Variants in ADAM12 observed in about 807,000 individuals in gnomAD.
ADAM12 encodes the protein disintegrin and metalloproteinase domain-containing protein 12.
Under a neutral mutation model 106.4 loss-of-function variants are expected in ADAM12, and 70 were observed. The observed-to-expected ratio is 0.66, with a 90% CI of 0.54 to 0.80. The LOEUF (loss-of-function observed/expected upper bound fraction) is 0.80, where lower values mean the gene tolerates loss of function less well. Ranked by LOEUF, ADAM12 falls within the 30% of genes least tolerant of loss-of-function variation. The probability of loss-of-function intolerance (pLI) is 0.00; values close to 1 mark genes in which losing one functional copy is unlikely to be tolerated. For missense variants in ADAM12, 1,010 were observed against 1,171.9 expected (o/e 0.86, Z 2.02); for synonymous variants, 420 against 433.5 (o/e 0.97, Z 0.39).
At chr10:126,345,485 C>CT (rs761806123) in intron 1 of ADAM12, among the ~76,000 whole-genome samples, 7 of 151,976 alleles carry the variant, frequency 4.6e-5, no homozygotes, top group Non-Finnish European at 1.0e-4. Flanking sequence ...TAAAATTCTC[C>CT]TTTTTTGTTG....
intron 3 of ADAM12, among the ~76,000 whole-genome samples, chr10:126,174,375 G>A (rs1268284454): frequency 2.6e-5 from 4 of 152,048 alleles, no homozygotes; most frequent in Non-Finnish European, 5.9e-5. Flanking sequence ...GTCACATCCA[G>A]GCAGTTCCTC....
intron 4 of ADAM12, among the ~76,000 whole-genome samples, chr10:126,136,450 G>A (rs923349581): frequency 6.6e-6 from 1 of 152,122 alleles, no homozygotes; most frequent in Non-Finnish European, 1.5e-5. Flanking sequence ...ACGCCAGCTG[G>A]GTGCAGGTCT....
intron 5 of ADAM12, among the ~76,000 whole-genome samples, chr10:126,128,612 G>C (rs1956245483): frequency 6.6e-6 from 1 of 151,604 alleles, no homozygotes; most frequent in African/African-American, 2.4e-5. Context: ...ATGTGTGCAA[G>C]TGGGGGCCTG....
At chr10:126,101,022 C>A in intron 9 of ADAM12, 50 bp downstream of exon 9, 1 of 1,596,908 alleles carries the variant, frequency 6.3e-7, no homozygotes, top group Non-Finnish European at 8.5e-7. Context: ...CGAAGGGCTT[C>A]GCCGAGAGCA....
chr10:126,210,479 G>A (rs1045731718), intron 3 of ADAM12, among the ~76,000 whole-genome samples: 6 of 152,184 alleles, frequency 3.9e-5, no homozygotes, highest in African/African-American at 1.4e-4. Context: ...TCAGATGCTA[G>A]GTGGAAAGAG....
At chr10:126,185,366 G>A (rs866434962) in intron 3 of ADAM12, among the ~76,000 whole-genome samples, 1 of 152,216 alleles carries the variant, frequency 6.6e-6, no homozygotes, top group Non-Finnish European at 1.5e-5. Context: ...TATAGCCTTA[G>A]TGAAATGACT....
At chr10:126,124,926 T>C (rs1373380828) in intron 5 of ADAM12, among the ~76,000 whole-genome samples, 1 of 143,504 alleles carries the variant, frequency 7.0e-6, no homozygotes, top group African/African-American at 2.6e-5. Flanking sequence ...AAGAAAAGTG[T>C]TATTACCAGC....
At position 126,209,814 on chromosome 10, in the gene ADAM12, C is replaced by T. The variant is rs890923786; in HGVS notation, c.261-54509G>A. Among the ~76,000 whole-genome samples, 6 of 152,234 alleles carry T rather than the reference C, an allele frequency of 3.9e-5. No individual in the cohort carries two copies. In the East Asian group the frequency reaches 1.2e-3, roughly 29 times the overall value. On this transcript the variant is annotated intron_variant, in intron 3 of 22. Transcript: ENST00000448723. ...CTTTTCCTTTACCGTAACTCCCAAG[C>T]CTATGAGCACTAAGTTCGACAGCAG...
rs1190348471 is a variant in ADAM12 at position 126,016,141 on chromosome 10, A to G, written c.*1138T>C. ...CCCCATAGAGAAGGTTCTTTGTCCA[A>G]TATCTACGAATAATGATAGCAGACA... On this transcript the variant is annotated 3_prime_UTR_variant, in exon 23 of 23. Transcript: ENST00000448723. The G allele has an allele frequency of 6.6e-6, 1 of 152,218 alleles. No homozygotes were observed. Among genetic ancestry groups the G allele is most frequent in the Non-Finnish European group, 1.5e-5 (1 of 68,036 alleles). 9.4% of individuals were successfully genotyped at this position (152,218 alleles called of 1,614,324 possible).
intron 7 of ADAM12, 124 bp from the exon 8 acceptor site, chr10:126,108,788 G>A (rs1955820432): frequency 1.5e-5 from 12 of 807,648 alleles, no homozygotes; most frequent in Admixed American, 7.3e-5. Context: ...CACAGTTCAC[G>A]GTAAAATGAG....
chr10:126,100,570 C>T (rs1034274226), intron 9 of ADAM12, among the ~76,000 whole-genome samples: 1 of 150,980 alleles, frequency 6.6e-6, no homozygotes, highest in African/African-American at 2.4e-5. Context: ...CAAAAATTAG[C>T]TGGGCGTGGT....
chr10:126,324,969 C>T (rs1854241675), intron 2 of ADAM12, among the ~76,000 whole-genome samples: 2 of 151,940 alleles, frequency 1.3e-5, no homozygotes, highest in African/African-American at 2.4e-5. Context: ...GCTCTCACTG[C>T]TATTTTCACT....
chr10:126,261,197 C>G (rs1565175153), intron 3 of ADAM12, among the ~76,000 whole-genome samples: 1 of 152,072 alleles, frequency 6.6e-6, no homozygotes, highest in Non-Finnish European at 1.5e-5. Context: ...TGGAGCTAAT[C>G]TCCTTCAGAT....
At chr10:126,158,997 G>C (rs1465665625) in intron 3 of ADAM12, among the ~76,000 whole-genome samples, 1 of 152,112 alleles carries the variant, frequency 6.6e-6, no homozygotes, top group African/African-American at 2.4e-5. Flanking sequence ...AGAACCCATA[G>C]TGGCCTCAAT....
intron 6 of ADAM12, among the ~76,000 whole-genome samples, chr10:126,116,158 A>G (rs1338085738): frequency 6.6e-6 from 1 of 152,288 alleles, no homozygotes; most frequent in East Asian, 1.9e-4. Context: ...AGCTAAAAGA[A>G]TTAAAATATG....
At chr10:126,317,640 G>C (rs990011078) in intron 2 of ADAM12, among the ~76,000 whole-genome samples, 1 of 152,056 alleles carries the variant, frequency 6.6e-6, no homozygotes, top group African/African-American at 2.4e-5. Flanking sequence ...CCAGGGAAAA[G>C]AGCCTAATGA....
chr10:126,295,910 A>AACACAC (rs113506950), intron 2 of ADAM12, among the ~76,000 whole-genome samples: 43 of 148,290 alleles, frequency 2.9e-4, no homozygotes, highest in Admixed American at 2.6e-3. Context: ...CACACACACA[A>AACACAC]ACACACACAC....
chr10:126,296,232 T>G (rs1349646858), intron 2 of ADAM12, among the ~76,000 whole-genome samples: 1 of 152,166 alleles, frequency 6.6e-6, no homozygotes, highest in Non-Finnish European at 1.5e-5. Context: ...ACTTTGAATT[T>G]CTGGGCTCAA....
chr10:126,031,639 G>A (rs1045655124), intron 21 of ADAM12, among the ~76,000 whole-genome samples: 4 of 152,198 alleles, frequency 2.6e-5, no homozygotes, highest in African/African-American at 7.2e-5. Context: ...AGCTGCCACC[G>A]TCTTCCCATG....
Sources: allele counts gnomAD v4.1 joint callset (sites outside exome capture counted in the v4.1 genomes callset), GRCh38; gene constraint gnomAD v4.1.1; transcripts MANE v1.5; gene names NCBI Gene and HGNC (gene_info 2026-07-23, HGNC 2026-07-21).